ADAT1: variants seen among roughly 807,000 people sequenced by gnomAD.
ADAT1 encodes adenosine deaminase tRNA specific 1.
In ADAT1, 58 loss-of-function variants were observed where a neutral mutation model predicts 58.6. The ratio of observed to expected loss-of-function variants is 0.99; its 90% CI spans 0.80 to 1.23. ADAT1 has a LOEUF of 1.23. ADAT1 is among the 50% of genes most tolerant of loss of function. ADAT1 has a pLI of 0.00. For synonymous variants in ADAT1, 254 were observed against 220.8 expected, an observed-to-expected ratio of 1.15 and a Z score of -1.33; for missense variants, 741 against 608.6, an observed-to-expected ratio of 1.22 and a Z score of -2.29.
chr16:75,605,663 T>C (rs8050951), intron 8 of ADAT1, among the ~76,000 whole-genome samples: 152,051 of 152,066 alleles, frequency 1, 76,018 homozygotes, highest in Non-Finnish European at 1. Flanking sequence ...AGGCTGGGTG[T>C]GGTGGCTTAT....
intron 5 of ADAT1, among the ~76,000 whole-genome samples, chr16:75,616,216 C>T (rs1312176487): frequency 6.6e-6 from 1 of 152,144 alleles, no homozygotes; most frequent in East Asian, 1.9e-4. Context: ...CCATGTTGGT[C>T]AGGCTGGTCT....
intron 6 of ADAT1, among the ~76,000 whole-genome samples, chr16:75,610,188 A>T (rs1263659824): frequency 4.6e-5 from 7 of 152,232 alleles, no homozygotes; most frequent in Admixed American, 3.9e-4. Flanking sequence ...GTATGGATAT[A>T]TCACATTTGA....
At chr16:75,616,934 C>T (rs1439401968) in intron 5 of ADAT1, among the ~76,000 whole-genome samples, 1 of 152,186 alleles carries the variant, frequency 6.6e-6, no homozygotes, top group Non-Finnish European at 1.5e-5. Context: ...GCACCCCTTG[C>T]CTCTGTCTTC....
chr16:75,614,597 G>C (rs912484630), intron 5 of ADAT1, among the ~76,000 whole-genome samples: 1 of 152,226 alleles, frequency 6.6e-6, no homozygotes, highest in Non-Finnish European at 1.5e-5. Context: ...CAAGGTCACA[G>C]TGACTTTGGA....
intron 8 of ADAT1, among the ~76,000 whole-genome samples, chr16:75,606,435 A>G (rs1567467309): frequency 6.6e-6 from 1 of 152,204 alleles, no homozygotes; most frequent in African/African-American, 2.4e-5. Flanking sequence ...AGGCTAGGTC[A>G]TAAAAGACAC....
intron 5 of ADAT1, 114 bp from the exon 6 acceptor site, chr16:75,612,975 G>T: frequency 7.6e-7 from 1 of 1,311,874 alleles, no homozygotes. Flanking sequence ...ACCCACAGTA[G>T]ACCTGCTGAA....
intron 3 of ADAT1, chr16:75,619,671 G>C (rs2151784942): frequency 2.2e-6 from 1 of 454,714 alleles, no homozygotes; most frequent in Non-Finnish European, 4.4e-6. Flanking sequence ...AGCACTTTGG[G>C]AGGCCAATGT....
chr16:75,620,920 G>C, intron 1 of ADAT1, 100 bp from the exon 2 acceptor site: 2 of 1,004,246 alleles, frequency 2.0e-6, no homozygotes, highest in African/African-American at 3.2e-5. Context: ...AAATGGAGCA[G>C]ACCGAGGTTT....
At position 75,603,066 on chromosome 16, in the gene ADAT1, CAT is replaced by C; in HGVS notation, c.1376+17_1376+18del. The C allele has an allele frequency of 6.2e-7, 1 of 1,607,738 alleles. No individual in the cohort carries two copies. ...AGTTGTCTACCTAAATATGAGAAAA[CAT>C]AGGTCAACAGCATCACCTGAGGGAG... On this transcript the variant is annotated intron_variant, in intron 9 of 9. Transcript: ENST00000564657.
intron 6 of ADAT1, among the ~76,000 whole-genome samples, chr16:75,610,887 G>A (rs1394108028): frequency 1.3e-5 from 2 of 152,156 alleles, no homozygotes; most frequent in East Asian, 3.9e-4. Context: ...CAAGGTGGGA[G>A]AATTACTTAA....
chr16:75,620,290 C>T lies in ADAT1; in HGVS notation c.214G>A (p.Gly72Arg), dbSNP rs769389983. ...VSMGTGTKCI[G>R]QSKMRKNGDI... The stretch of plus-strand genomic sequence containing the variant: ...CCGTTCTTCCTCATTTTGGACTGTC[C>T]TATGCATTTTGTTCCTGTTCCCATT... Residue 72 changes from glycine to arginine, a missense_variant, in exon 3 of 10, where the codon GGA (glycine) becomes AGA (arginine). Coordinates refer to ENST00000564657, the MANE Select transcript of ADAT1 (RefSeq NM_001324445.2). 1.2e-6 allele frequency: 2 copies of T among 1,614,150 alleles called. No individual in the cohort carries two copies. The highest frequency in any genetic ancestry group is 1.7e-5 in the Admixed American group (1 of 60,034).
At chr16:75,601,051 G>T (rs908091780) in intron 9 of ADAT1, among the ~76,000 whole-genome samples, 1 of 152,194 alleles carries the variant, frequency 6.6e-6, no homozygotes, top group African/African-American at 2.4e-5. Flanking sequence ...TGGTTTAAAA[G>T]TTTTCTAGGC....
rs776706277 is a variant in ADAT1, at chr16:75,600,243, G to C, written c.1482C>G (p.Asn494Lys). Residue 494 changes from asparagine to lysine, a missense_variant, in exon 10 of 10, where the codon AAC becomes AAG. By Grantham distance (94) the Asn-to-Lys change is moderately conservative. Coordinates refer to ENST00000564657, the MANE Select transcript of ADAT1 (RefSeq NM_001324445.2). The stretch of plus-strand genomic sequence containing the variant: ...ACTTGAACTGGTGATAATCCGGTGG[G>C]TTTCTGATCCAGGATCCAAACACCT... The part of the protein sequence containing the change: ...RKQVFGSWIR[N>K]PPDYHQFK 4 of 1,614,180 alleles carry C rather than the reference G, an allele frequency of 2.5e-6. No homozygotes were observed. In the Admixed American group the frequency reaches 6.7e-5, roughly 27 times the overall value.
chr16:75,600,456 T>A (rs2081196718), intron 9 of ADAT1, 108 bp from the exon 10 acceptor site: 6 of 1,499,064 alleles, frequency 4.0e-6, no homozygotes, highest in Admixed American at 2.2e-5. Context: ...GAGACTTAGG[T>A]AGAGAAGGAG....
chr16:75,609,652 C>T (rs1235458800), intron 6 of ADAT1, among the ~76,000 whole-genome samples: 1 of 151,936 alleles, frequency 6.6e-6, no homozygotes, highest in Non-Finnish European at 1.5e-5. Context: ...TTTTCATCAC[C>T]CCAGAAAGAA....
intron 5 of ADAT1, among the ~76,000 whole-genome samples, chr16:75,613,093 C>G (rs990494714): frequency 1.5e-4 from 23 of 152,148 alleles, no homozygotes; most frequent in African/African-American, 5.3e-4. Context: ...ATTCTCCCAG[C>G]TGACCTGAGA....
intron 9 of ADAT1, among the ~76,000 whole-genome samples, chr16:75,601,528 A>C (rs1014944884): frequency 6.6e-6 from 1 of 152,050 alleles, no homozygotes; most frequent in African/African-American, 2.4e-5. Flanking sequence ...AGGCTGAGGC[A>C]GGTGGATCGC....
intron 8 of ADAT1, among the ~76,000 whole-genome samples, chr16:75,606,407 G>A (rs2081373980): frequency 6.6e-6 from 1 of 152,186 alleles, no homozygotes. Context: ...AGATATTACA[G>A]ATAGGCTCTG....
chr16:75,618,509 CAA>C (rs535021597), intron 4 of ADAT1, 75 bp downstream of exon 4: 11,788 of 765,198 alleles, frequency 0.015, no homozygotes, highest in Non-Finnish European at 0.018. Flanking sequence ...CTGTCCCCCC[CAA>C]AAAAAAAAAA....
Sources: allele counts gnomAD v4.1 joint callset (sites outside exome capture counted in the v4.1 genomes callset), GRCh38; gene constraint gnomAD v4.1.1; transcripts MANE v1.5; gene names NCBI Gene and HGNC (gene_info 2026-07-23, HGNC 2026-07-21).